The following BAZ2B variants were observed in gnomAD, a reference collection of about 807,000 sequenced individuals.
The protein encoded by BAZ2B is bromodomain adjacent to zinc finger domain 2B.
In BAZ2B, 91 loss-of-function variants were observed where a neutral mutation model predicts 246.0. The observed-to-expected ratio is 0.37, with a 90% confidence interval of 0.31 to 0.44. BAZ2B has a LOEUF of 0.44. Among genes scored for constraint, BAZ2B ranks in the 20% least tolerant of loss-of-function variants. The pLI is 1.00. For missense variants in BAZ2B, 2,332 were observed against 2,533.7 expected, an observed-to-expected ratio of 0.92 and a Z score of 1.71; for synonymous variants, 855 against 860.0, an observed-to-expected ratio of 0.99 and a Z score of 0.10.
At chr2:159,324,673 C>T (rs2063204806) in intron 36 of BAZ2B, 138 bp downstream of exon 36, 1 of 214,636 alleles carries the variant, frequency 4.7e-6, no homozygotes, top group Admixed American at 1.2e-4. Flanking sequence ...CACACACACA[C>T]ACACACACAC....
chr2:159,385,419 A>G (rs1437767453), intron 22 of BAZ2B, 50 bp from the exon 23 acceptor site: 1 of 1,463,332 alleles, frequency 6.8e-7, no homozygotes, highest in East Asian at 2.3e-5. Flanking sequence ...CATTTATACC[A>G]TAAAAACAAT....
intron 2 of BAZ2B, among the ~76,000 whole-genome samples, chr2:159,496,911 T>C (rs779939367): frequency 3.9e-5 from 6 of 152,080 alleles, no homozygotes; most frequent in Non-Finnish European, 7.4e-5. Context: ...TTTTGCCTCT[T>C]GTGTTGAAAT....
Position 159,453,786 on chromosome 2 carries a change from G to T in BAZ2B, c.161C>A (p.Thr54Lys). 1 of 1,601,822 alleles carries T rather than the reference G, an allele frequency of 6.2e-7. No homozygotes were observed. Among genetic ancestry groups the T allele is most frequent in the Non-Finnish European group, 8.5e-7 (1 of 1,173,862 alleles). ...CAGGTTAAACGGTTGATCCCCAGCT[G>T]TTCTGAATAAATGTCCTGGGAGGGA... Reference protein sequence around the residue: ...TINPCGHLFRTAGDQPFNLST... With the variant: ...TINPCGHLFRKAGDQPFNLST... The change falls in exon 4 of 37, where the codon ACA becomes AAA. Residue 54 changes from threonine (T) to lysine (K), a missense_variant. Physicochemically the swap from Thr to Lys is moderately conservative, Grantham distance 78. Transcript: ENST00000392783.
At chr2:159,483,460 A>G (rs891983968) in intron 2 of BAZ2B, among the ~76,000 whole-genome samples, 1 of 152,006 alleles carries the variant, frequency 6.6e-6, no homozygotes, top group Non-Finnish European at 1.5e-5. Flanking sequence ...TTCGCCTCCC[A>G]AAGTGCTGGG....
At chr2:159,687,743 T>C in the BAZ2B span, among the ~76,000 whole-genome samples, 32 of 152,350 alleles carry the variant, frequency 2.1e-4, no homozygotes, top group Non-Finnish European at 2.9e-4. Flanking sequence ...GAACTCCCAA[T>C]TTGTAGTCAA....
chr2:159,626,538 T>G, the BAZ2B span, among the ~76,000 whole-genome samples: 1 of 152,134 alleles, frequency 6.6e-6, no homozygotes, highest in Non-Finnish European at 1.5e-5. Context: ...ACTGCACAAC[T>G]ACATGGAAAC....
chr2:159,488,276 T>C (rs956420918), intron 2 of BAZ2B, among the ~76,000 whole-genome samples: 3 of 152,124 alleles, frequency 2.0e-5, no homozygotes, highest in African/African-American at 7.2e-5. Flanking sequence ...TTTCACCATG[T>C]TGCCCAGGCT....
intron 8 of BAZ2B, chr2:159,435,123 C>T (rs2150221699): frequency 6.6e-6 from 1 of 151,970 alleles, no homozygotes; most frequent in Middle Eastern, 3.4e-3. Context: ...ACACTAAAAT[C>T]AGCAAAGATT....
intron 2 of BAZ2B, among the ~76,000 whole-genome samples, chr2:159,552,357 G>C (rs1227056214): frequency 1.3e-5 from 2 of 152,160 alleles, no homozygotes; most frequent in East Asian, 1.9e-4. Flanking sequence ...AGGTAAATTT[G>C]AATGTTTAGG....
intron 34 of BAZ2B, among the ~76,000 whole-genome samples, chr2:159,329,842 TG>T (rs1316797023): frequency 1.3e-5 from 2 of 152,212 alleles, no homozygotes; most frequent in Non-Finnish European, 2.9e-5. Flanking sequence ...ACTGCTTGAA[TG>T]GTAGATAGCT....
the BAZ2B span, among the ~76,000 whole-genome samples, chr2:159,686,262 AAGAGAG>A: frequency 1.3e-5 from 2 of 151,576 alleles, no homozygotes; most frequent in East Asian, 3.9e-4. Flanking sequence ...CTACTTTAAA[AAGAGAG>A]AGAGAGAGAA....
intron 3 of BAZ2B, among the ~76,000 whole-genome samples, chr2:159,466,839 G>T (rs1036658291): frequency 6.6e-6 from 1 of 151,948 alleles, no homozygotes; most frequent in East Asian, 1.9e-4. Flanking sequence ...TTCTCTGCAG[G>T]TCCTCAATGG....
Position 159,472,707 on chromosome 2 carries a change from A to T in BAZ2B, c.145+5868T>A, listed in dbSNP as rs371723628. Among the ~76,000 whole-genome samples the T allele has an allele frequency of 3.3e-4, 50 of 152,236 alleles. 1 individual carries two copies. The highest frequency in any genetic ancestry group is 1.2e-3 in the African/African-American group (49 of 41,538). ...GTTTTAGCATGAAGGGGTGTTGAATATTATCGCAGGCCTTTTCTGCATCTA... is the reference window on the plus strand; with the variant it reads ...GTTTTAGCATGAAGGGGTGTTGAATTTTATCGCAGGCCTTTTCTGCATCTA... On this transcript the variant is annotated intron_variant, in intron 3 of 36. Transcript: ENST00000392783.
chr2:159,456,051 T>C (rs2075735295), intron 3 of BAZ2B, among the ~76,000 whole-genome samples: 1 of 151,930 alleles, frequency 6.6e-6, no homozygotes, highest in South Asian at 2.1e-4. Flanking sequence ...AATTTATGTT[T>C]TACAAATAAC....
At chr2:159,551,332 G>T (rs914291973) in intron 2 of BAZ2B, among the ~76,000 whole-genome samples, 1 of 151,996 alleles carries the variant, frequency 6.6e-6, no homozygotes, top group Admixed American at 6.5e-5. Context: ...AGCTGGGCGT[G>T]GTGGCGGAAA....
chr2:159,377,591 G>A, intron 25 of BAZ2B, among the ~76,000 whole-genome samples: 1 of 152,004 alleles, frequency 6.6e-6, no homozygotes, highest in South Asian at 2.1e-4. Flanking sequence ...GAGGCGGGTG[G>A]ATCACGAGGT....
chr2:159,669,327 T>C, the BAZ2B span, among the ~76,000 whole-genome samples: 1 of 152,224 alleles, frequency 6.6e-6, no homozygotes, highest in Non-Finnish European at 1.5e-5. Context: ...TCATTCCTTT[T>C]AAGTTTGTTG....
chr2:159,565,594 T>C (rs1258929530), intron 1 of BAZ2B, among the ~76,000 whole-genome samples: 1 of 152,032 alleles, frequency 6.6e-6, no homozygotes, highest in African/African-American at 2.4e-5. Flanking sequence ...CTGACTAATA[T>C]GGTGAAACCC....
At chr2:159,585,259 A>G (rs1345771956) in intron 1 of BAZ2B, among the ~76,000 whole-genome samples, 1 of 152,230 alleles carries the variant, frequency 6.6e-6, no homozygotes, top group Non-Finnish European at 1.5e-5. Flanking sequence ...TAGAGAAGTC[A>G]AGAAGACAAG....
Sources: gnomAD v4.1 joint callset for allele counts (sites outside exome capture counted in the v4.1 genomes callset) on GRCh38, gnomAD v4.1.1 for gene constraint, MANE v1.5 for transcripts, NCBI Gene and HGNC (gene_info 2026-07-23, HGNC 2026-07-21) for gene names.